RASSF3: variants seen among roughly 807,000 people sequenced by gnomAD.
RASSF3 encodes the protein Ras association domain family member 3.
Under a neutral mutation model 19.9 loss-of-function variants are expected in RASSF3, and 19 were observed. The observed-to-expected ratio is 0.96, with a 90% confidence interval of 0.67 to 1.40. RASSF3 has a LOEUF of 1.40. Among genes scored for constraint, RASSF3 ranks in the 40% most tolerant of loss-of-function variants. The pLI is 0.00. For missense variants in RASSF3, 306 were observed against 289.8 expected, an observed-to-expected ratio of 1.06 and a Z score of -0.41; for synonymous variants, 110 against 104.2, an observed-to-expected ratio of 1.06 and a Z score of -0.34.
intron 1 of RASSF3, among the ~76,000 whole-genome samples, chr12:64,655,303 C>G (rs906251917): frequency 6.6e-6 from 1 of 152,158 alleles, no homozygotes; most frequent in African/African-American, 2.4e-5. Flanking sequence ...TTCAAAAATA[C>G]ACATAACGAA....
At chr12:64,682,513 G>A (rs1456169332) in intron 1 of RASSF3, among the ~76,000 whole-genome samples, 1 of 150,294 alleles carries the variant, frequency 6.7e-6, no homozygotes, top group African/African-American at 2.5e-5. Flanking sequence ...GTTGCAGTGA[G>A]CCCAGATCCG....
chr12:64,604,637 CTTT>C (rs781319836), intron 2 of RASSF3, among the ~76,000 whole-genome samples: 1 of 145,568 alleles, frequency 6.9e-6, no homozygotes, highest in Non-Finnish European at 1.5e-5. Flanking sequence ...GTAACCAACT[CTTT>C]TTTTTTTTTT....
rs975239155 is a variant in RASSF3, at chr12:64,612,835, C to T, written c.111+2092C>T. 1.4e-4 allele frequency among the ~76,000 whole-genome samples: 22 copies of T among 152,212 alleles called. No homozygotes were observed. In the East Asian group the frequency reaches 4.0e-3, roughly 28 times the overall value. On this transcript the variant is annotated intron_variant, in intron 1 of 4. Coordinates refer to ENST00000542104, the MANE Select transcript of RASSF3 (RefSeq NM_178169.4). ...TGTATCATCTAGCATATATATTATA[C>T]TCAGGGTAGTATTATTTAGCATTTA...
chr12:64,573,392 GCTTA>G (rs1869549823), intron 2 of RASSF3, among the ~76,000 whole-genome samples: 1 of 152,166 alleles, frequency 6.6e-6, no homozygotes, highest in South Asian at 2.1e-4. Flanking sequence ...TTCATTAAGT[GCTTA>G]CTAATACATT....
At chr12:64,656,370 T>A (rs951011656) in intron 1 of RASSF3, among the ~76,000 whole-genome samples, 9 of 152,128 alleles carry the variant, frequency 5.9e-5, no homozygotes, top group African/African-American at 2.2e-4. Flanking sequence ...ATAGAGATGG[T>A]TGTGCAACTT....
chr12:64,661,677 C>CTTT (rs71092993), intron 1 of RASSF3, among the ~76,000 whole-genome samples: 7 of 78,994 alleles, frequency 8.9e-5, no homozygotes, highest in Non-Finnish European at 1.2e-4. Context: ...TTTTCTTTTT[C>CTTT]TTTTTTTTTT....
chr12:64,692,645 C>T (rs1425842553), intron 4 of RASSF3, among the ~76,000 whole-genome samples: 3 of 152,194 alleles, frequency 2.0e-5, no homozygotes, highest in Non-Finnish European at 2.9e-5. Flanking sequence ...GACACATTAG[C>T]ATAGTCTACT....
In RASSF3 at chr12:64,535,574, C is replaced by T. The variant is rs185593941; in HGVS notation, c.67+2240C>T. The stretch of plus-strand genomic sequence containing the variant: ...AGAGACAGGGTCCCTCCATGTTGCC[C>T]AAGCTGGTCTCGAACTCCTGGGCTC... On this transcript the variant is annotated intron_variant, in intron 1 of 1. Coordinates refer to the RASSF3 transcript ENST00000636333. Among the ~76,000 whole-genome samples, 534 of 152,210 alleles carry T rather than the reference C, an allele frequency of 3.5e-3. 3 individuals are homozygous for T. The highest frequency in any genetic ancestry group is 3.9e-3 in the Non-Finnish European group (262 of 68,002).
upstream of RASSF3, among the ~76,000 whole-genome samples, chr12:64,606,462 T>G (rs1194750137): frequency 6.6e-6 from 1 of 152,226 alleles, no homozygotes; most frequent in Non-Finnish European, 1.5e-5. Context: ...ACTTAATCCT[T>G]ACAGTAAACC....
chr12:64,616,647 G>A (rs1870563155), intron 1 of RASSF3, among the ~76,000 whole-genome samples: 1 of 152,244 alleles, frequency 6.6e-6, no homozygotes, highest in African/African-American at 2.4e-5. Flanking sequence ...ATGCAAAGGA[G>A]CTTCTCTTCT....
intron 2 of RASSF3, among the ~76,000 whole-genome samples, chr12:64,597,122 A>C (rs1870010357): frequency 6.7e-6 from 1 of 150,356 alleles, no homozygotes. Flanking sequence ...ATTTTTCTCC[A>C]TTTTATTTTA....
intron 1 of RASSF3, among the ~76,000 whole-genome samples, chr12:64,683,639 C>T (rs1203501455): frequency 6.6e-6 from 1 of 152,190 alleles, no homozygotes; most frequent in African/African-American, 2.4e-5. Context: ...TACTGATTAA[C>T]TGCTGTACTT....
chr12:64,685,874 G>T (rs1047027280), intron 2 of RASSF3, among the ~76,000 whole-genome samples: 1 of 152,206 alleles, frequency 6.6e-6, no homozygotes, highest in Non-Finnish European at 1.5e-5. Context: ...CCTTCTTCAT[G>T]GCACTTGTCA....
chr12:64,616,979 C>A (rs1870574912), intron 1 of RASSF3, among the ~76,000 whole-genome samples: 1 of 152,120 alleles, frequency 6.6e-6, no homozygotes, highest in Non-Finnish European at 1.5e-5. Flanking sequence ...TATAATTTAT[C>A]ATTATATTTT....
rs1051846351 is a variant in RASSF3, at chr12:64,696,611, T to C, written c.*1699T>C. On this transcript the variant is annotated 3_prime_UTR_variant, in exon 5 of 5. Transcript: ENST00000542104. ...TGCCCAAGTGAACTGTGCCTTTTAT[T>C]GCATTTCTGTTCGTCTCTTGGTGGC... 2 of 152,238 alleles carry C rather than the reference T, an allele frequency of 1.3e-5. No individual in the cohort carries two copies. The highest frequency in any genetic ancestry group is 4.8e-5 in the African/African-American group (2 of 41,456). 9.4% of individuals were successfully genotyped at this position (152,238 alleles called of 1,614,324 possible). A position where few individuals can be genotyped will look rare whatever the true frequency, so the allele number is the denominator to read the frequency against.
intron 2 of RASSF3, among the ~76,000 whole-genome samples, chr12:64,574,874 T>C (rs1869571820): frequency 6.6e-6 from 1 of 152,236 alleles, no homozygotes; most frequent in South Asian, 2.1e-4. Flanking sequence ...TATTGTTATA[T>C]ATCACTGGCT....
intron 2 of RASSF3, among the ~76,000 whole-genome samples, chr12:64,550,315 G>T (rs532829173): frequency 6.6e-6 from 1 of 152,180 alleles, no homozygotes; most frequent in East Asian, 1.9e-4. Context: ...GAAGAGAGAA[G>T]AGGGGAGAGG....
chr12:64,644,566 A>G (rs1176045265), intron 1 of RASSF3, among the ~76,000 whole-genome samples: 3 of 152,022 alleles, frequency 2.0e-5, no homozygotes, highest in African/African-American at 2.4e-5. Context: ...GCGTGGTTGC[A>G]CATGCCTGTA....
chr12:64,645,822 C>A (rs1871711136), intron 1 of RASSF3, among the ~76,000 whole-genome samples: 1 of 152,140 alleles, frequency 6.6e-6, no homozygotes, highest in Non-Finnish European at 1.5e-5. Context: ...TGTTTAACTA[C>A]CACCCAGATG....
Sources: allele counts gnomAD v4.1 joint callset (sites outside exome capture counted in the v4.1 genomes callset), GRCh38; gene constraint gnomAD v4.1.1; transcripts MANE v1.5; gene names NCBI Gene and HGNC (gene_info 2026-07-23, HGNC 2026-07-21).